The following TEX14 variants were observed in gnomAD, a reference collection of about 807,000 sequenced individuals.
TEX14 encodes inactive serine/threonine-protein kinase TEX14.
TEX14 carries 168 observed loss-of-function variants against 178.6 expected under a neutral mutation model. The observed-to-expected ratio is 0.94, with a 90% CI of 0.83 to 1.07. The LOEUF (loss-of-function observed/expected upper bound fraction) is 1.07. Among genes scored for constraint, TEX14 ranks in the 50% least tolerant of loss-of-function variants. The pLI is 0.00. For missense variants in TEX14, 1,730 were observed against 1,753.6 expected (o/e 0.99, Z 0.24); for synonymous variants, 626 against 634.1 (o/e 0.99, Z 0.19).
At chr17:58,584,686 G>GA in intron 18 of TEX14, 86 bp from the exon 19 acceptor site, 6 of 1,077,530 alleles carry the variant, frequency 5.6e-6, no homozygotes, top group Non-Finnish European at 8.6e-6. Flanking sequence ...TGAAAGAAGA[G>GA]ATGTATACAT....
At chr17:58,571,508 G>A (rs2044528425) in intron 24 of TEX14, among the ~76,000 whole-genome samples, 2 of 152,112 alleles carry the variant, frequency 1.3e-5, no homozygotes, top group South Asian at 4.1e-4. Flanking sequence ...AAAGTGCTGG[G>A]ATTATAGGCT....
At chr17:58,557,900 T>G (rs531378733) in intron 30 of TEX14, 50 bp from the exon 31 acceptor site, 8 of 1,462,738 alleles carry the variant, frequency 5.5e-6, no homozygotes. Context: ...AATTTCTAGG[T>G]CAAAGGGTGC....
chr17:58,582,859 C>T (rs1317655082), intron 19 of TEX14, among the ~76,000 whole-genome samples: 1 of 151,884 alleles, frequency 6.6e-6, no homozygotes, highest in Admixed American at 6.6e-5. Flanking sequence ...CCACCGCGAC[C>T]GGCCTGCAAA....
intron 16 of TEX14, 49 bp downstream of exon 16, chr17:58,587,847 A>ACCCCCCCCCCCCCCCC: frequency 1.6e-6 from 1 of 621,334 alleles, no homozygotes; most frequent in Non-Finnish European, 3.0e-6. Context: ...GCCAGAACCC[A>ACCCCCCCCCCCCCCCC]CCCCCACCCC....
intron 15 of TEX14, among the ~76,000 whole-genome samples, chr17:58,592,581 GC>G (rs2045178253): frequency 6.7e-6 from 1 of 150,228 alleles, no homozygotes; most frequent in African/African-American, 2.5e-5. Flanking sequence ...TGATCTGCCT[GC>G]CTTGGCCTCC....
intron 1 of TEX14, among the ~76,000 whole-genome samples, chr17:58,654,470 T>C (rs1476291741): frequency 1.3e-5 from 2 of 149,662 alleles, no homozygotes; most frequent in African/African-American, 4.9e-5. Context: ...ACCTTGAATG[T>C]ATAGAAGCTT....
At chr17:58,689,782 C>A (rs572104222) in intron 1 of TEX14, among the ~76,000 whole-genome samples, 1 of 151,694 alleles carries the variant, frequency 6.6e-6, no homozygotes, top group East Asian at 1.9e-4. Context: ...GACTACAGAG[C>A]AAATTGCATT....
chr17:58,630,421 T>A lies in TEX14; in HGVS notation c.251+19A>T. The stretch of plus-strand genomic sequence containing the variant: ...CAGCACAACCCCTATTTTCTAGACA[T>A]CAATATTATTGTACTTACTGATTTG... On this transcript the variant is annotated intron_variant, in intron 3 of 31. Transcript: ENST00000349033. The A allele has an allele frequency of 6.5e-7, 1 of 1,528,826 alleles. No homozygotes were observed. The highest frequency in any genetic ancestry group is 1.1e-5 in the South Asian group (1 of 89,222). 94.7% of individuals were successfully genotyped at this position (1,528,826 alleles called of 1,614,324 possible). A position where few individuals can be genotyped will look rare whatever the true frequency, so the allele number is the denominator to read the frequency against.
chr17:58,622,935 T>A lies in TEX14; in HGVS notation c.329A>T (p.Asp110Val), dbSNP rs773653857. ...GNQWILSKLL[D>V]AGGDLRLHDE... is the part of the protein sequence containing the mutation. Reference sequence around the variant, plus strand: ...GTGGAGTCGCAGGTCACCTCCTGCATCCAGCAGTTTGCTAAGGATCCACTG... The same window carrying A: ...GTGGAGTCGCAGGTCACCTCCTGCAACCAGCAGTTTGCTAAGGATCCACTG... Residue 110 changes from aspartate (D) to valine (V), a missense_variant, in exon 4 of 32, where the codon GAT becomes GTT. Physicochemically the swap from Asp to Val is radical, Grantham distance 152. Around this residue, in one of 2 missense-constraint regions of TEX14, gnomAD observed 789 missense variants for 681.2 expected, o/e 1.16. Coordinates refer to ENST00000349033, the MANE Select transcript of TEX14 (RefSeq NM_031272.5). 1 of 1,613,078 alleles carries A rather than the reference T, an allele frequency of 6.2e-7. No individual in the cohort carries two copies. The highest frequency in any genetic ancestry group is 1.1e-5 in the South Asian group (1 of 91,062).
At chr17:58,604,827 CT>C in intron 11 of TEX14, 150 bp downstream of exon 11, 1 of 855,038 alleles carries the variant, frequency 1.2e-6, no homozygotes. Flanking sequence ...TCCCAAAGTG[CT>C]GGGATTACAG....
At position 58,631,683 on chromosome 17, in the gene TEX14, G is replaced by C. The variant is rs141374730; in HGVS notation, c.137-1129C>G. The C allele has an allele frequency of 2.7e-5, 4 of 150,174 alleles. No individual in the cohort carries two copies. In the East Asian group the frequency reaches 7.8e-4, roughly 29 times the overall value. The allele number at this position is 150,174 out of a possible 1,614,324, so 9.3% of individuals were successfully genotyped here. On this transcript the variant is annotated intron_variant, in intron 2 of 31. Coordinates refer to ENST00000349033, the MANE Select transcript of TEX14 (RefSeq NM_031272.5). ...CTCTAGAGAAGAACGGTCACCAACA[G>C]CAAACAGCAGTTAGAATAACGCAAC...
intron 2 of TEX14, 79 bp from the exon 3 acceptor site, chr17:58,630,633 C>G: frequency 1.0e-6 from 1 of 953,710 alleles, no homozygotes; most frequent in Non-Finnish European, 1.7e-6. Context: ...GGGGGAATTA[C>G]ATATTTTTAT....
chr17:58,690,515 C>A (rs1252397567), intron 1 of TEX14, among the ~76,000 whole-genome samples: 2 of 152,160 alleles, frequency 1.3e-5, no homozygotes, highest in African/African-American at 4.8e-5. Flanking sequence ...CTAAACACGA[C>A]TGATTCCACT....
chr17:58,671,500 TG>T (rs1435780084), intron 1 of TEX14, among the ~76,000 whole-genome samples: 2 of 152,120 alleles, frequency 1.3e-5, no homozygotes, highest in Admixed American at 6.6e-5. Context: ...GTTCTTCTCC[TG>T]GGGTCGCAGC....
chr17:58,611,342 G>A lies in TEX14; in HGVS notation c.1006-3C>T, dbSNP rs113450787. On this transcript the variant is annotated splice_region_variant and splice_polypyrimidine_tract_variant and intron_variant, in intron 9 of 31. Coordinates refer to ENST00000349033, the MANE Select transcript of TEX14 (RefSeq NM_031272.5). ...TGCAGCACTGGGAACTGGGACCGCT[G>A]CAAGCAAGAGATGAAATGCCACGAA... 2 of 1,608,690 alleles carry A rather than the reference G, an allele frequency of 1.2e-6. No individual in the cohort carries two copies. Among genetic ancestry groups the A allele is most frequent in the African/African-American group, 2.7e-5 (2 of 74,652 alleles).
intron 30 of TEX14, 91 bp downstream of exon 30, chr17:58,559,344 AAAGGTAGGAGGATTATGT>A (rs1479091265): frequency 1.7e-5 from 10 of 593,320 alleles, no homozygotes; most frequent in Non-Finnish European, 3.0e-5. Flanking sequence ...ATAAATTATC[AAAGGTAGGAGGATTATGT>A]ATAGCATCTG....
intron 26 of TEX14, among the ~76,000 whole-genome samples, chr17:58,568,370 G>C (rs2044447615): frequency 6.6e-6 from 1 of 152,346 alleles, no homozygotes; most frequent in Admixed American, 6.5e-5. Flanking sequence ...GCTGTCCATT[G>C]AGTCAGACCT....
intron 2 of TEX14, 54 bp downstream of exon 2, chr17:58,651,812 C>T (rs1015568835): frequency 2.0e-6 from 3 of 1,491,756 alleles, no homozygotes; most frequent in Admixed American, 2.2e-5. Context: ...TTCCTCTGAA[C>T]GCTATTCAGA....
chr17:58,570,602 C>A, intron 24 of TEX14, 118 bp from the exon 25 acceptor site: 1 of 502,210 alleles, frequency 2.0e-6, no homozygotes. Context: ...ATGTCACCTC[C>A]TCTGGGAAGC....
Sources: allele counts gnomAD v4.1 joint callset (sites outside exome capture counted in the v4.1 genomes callset), GRCh38; gene constraint gnomAD v4.1.1; regional missense constraint gnomAD v4.1.1; transcripts MANE v1.5; gene names NCBI Gene and HGNC (gene_info 2026-07-23, HGNC 2026-07-21).